TMT1A: variants seen among roughly 807,000 people sequenced by gnomAD.
TMT1A encodes the protein thiol S-methyltransferase TMT1A.
At chr12:50,929,930 T>C in the TMT1A span, 1 of 1,612,762 alleles carries the variant, frequency 6.2e-7, no homozygotes, top group Non-Finnish European at 8.5e-7. Context: ...GCTTTCTATT[T>C]CATGGAGCAT....
At chr12:50,928,948 A>T in the TMT1A span, among the ~76,000 whole-genome samples, 11 of 151,692 alleles carry the variant, frequency 7.3e-5, no homozygotes, top group Non-Finnish European at 1.0e-4. Context: ...GATTTTTTTT[A>T]AAATCAGGGC....
chr12:50,927,286 C>A, the TMT1A span, among the ~76,000 whole-genome samples: 5 of 152,174 alleles, frequency 3.3e-5, no homozygotes, highest in Admixed American at 6.5e-5. Context: ...TTTGGCCTCT[C>A]AAAGTGTTGG....
the TMT1A span, among the ~76,000 whole-genome samples, chr12:50,926,788 T>C: frequency 6.6e-6 from 1 of 152,228 alleles, no homozygotes; most frequent in Non-Finnish European, 1.5e-5. Flanking sequence ...CAAGTAACTA[T>C]TAACAGTGGT....
chr12:50,925,207 G>A, the TMT1A span: 11 of 1,614,072 alleles, frequency 6.8e-6, no homozygotes, highest in African/African-American at 1.3e-5. Flanking sequence ...CAAGAAGCGG[G>A]AGCTCTTCAG....
At chr12:50,925,225 C>A in the TMT1A span, 6 of 1,614,100 alleles carry the variant, frequency 3.7e-6, no homozygotes, top group African/African-American at 1.3e-5. Context: ...CAGTAACCTG[C>A]AGGAGTTTGC....
the TMT1A span, chr12:50,929,841 T>C: frequency 6.9e-7 from 1 of 1,442,624 alleles, no homozygotes; most frequent in Non-Finnish European, 9.4e-7. Flanking sequence ...CAGAGAACAA[T>C]TTTCAAAAAA....
the TMT1A span, chr12:50,925,132 T>C: frequency 8.7e-6 from 14 of 1,614,040 alleles, no homozygotes; most frequent in South Asian, 1.2e-4. Context: ...GAGCTGGATA[T>C]GCAAAAAATG....
At chr12:50,928,598 G>A in the TMT1A span, among the ~76,000 whole-genome samples, 1 of 152,158 alleles carries the variant, frequency 6.6e-6, no homozygotes, top group African/African-American at 2.4e-5. Flanking sequence ...AACATCTCAT[G>A]TAACCATTTG....
At chr12:50,929,775 G>C in the TMT1A span, 39 of 705,284 alleles carry the variant, frequency 5.5e-5, 2 homozygotes, top group South Asian at 6.7e-4. Context: ...GCTTAGTGTG[G>C]AGTGACCCTC....
At chr12:50,928,260 C>T in the TMT1A span, among the ~76,000 whole-genome samples, 1 of 152,350 alleles carries the variant, frequency 6.6e-6, no homozygotes, top group East Asian at 1.9e-4. Context: ...GGGTTCCTTT[C>T]TTGGTGACAC....
At chr12:50,928,495 G>C in the TMT1A span, among the ~76,000 whole-genome samples, 5 of 152,188 alleles carry the variant, frequency 3.3e-5, no homozygotes, top group African/African-American at 1.2e-4. Flanking sequence ...ATTCCTGGTG[G>C]CTCCACCCCA....
the TMT1A span, chr12:50,930,275 T>G: frequency 3.0e-5 from 5 of 168,202 alleles, no homozygotes; most frequent in East Asian, 5.0e-4. Context: ...TTGTTGTTGG[T>G]TTTTTTTTTT....
the TMT1A span, chr12:50,925,405 G>A: frequency 3.7e-6 from 6 of 1,614,246 alleles, no homozygotes; most frequent in Non-Finnish European, 5.1e-6. Context: ...TGAGCGCTTT[G>A]TGGTAGCTGC....
the TMT1A span, chr12:50,925,159 G>T: frequency 6.2e-7 from 1 of 1,614,126 alleles, no homozygotes; most frequent in Non-Finnish European, 8.5e-7. Flanking sequence ...CTACTTCTTG[G>T]TGAGGTTCAC....
chr12:50,930,430 C>A, the TMT1A span: 1 of 235,446 alleles, frequency 4.2e-6, no homozygotes, highest in Non-Finnish European at 8.2e-6. Context: ...CAGGTGCCCA[C>A]CACCATGCCC....
chr12:50,930,236 C>A, the TMT1A span: 1 of 1,124,228 alleles, frequency 8.9e-7, no homozygotes. Flanking sequence ...AGAAGAGAAA[C>A]CTTTTTTTTG....
chr12:50,925,028 C>T, the TMT1A span: 1 of 1,608,364 alleles, frequency 6.2e-7, no homozygotes, highest in Middle Eastern at 1.7e-4. Flanking sequence ...TGTTTTTTTC[C>T]CTTCTGAGCA....
At chr12:50,929,390 G>A in the TMT1A span, among the ~76,000 whole-genome samples, 1 of 152,322 alleles carries the variant, frequency 6.6e-6, no homozygotes, top group East Asian at 1.9e-4. Flanking sequence ...GATAACTAGA[G>A]GAGGCCAAGA....
chr12:50,928,123 C>CCAAATG, the TMT1A span, among the ~76,000 whole-genome samples: 2 of 152,182 alleles, frequency 1.3e-5, no homozygotes, highest in Non-Finnish European at 2.9e-5. Flanking sequence ...CCGCGCCCAG[C>CCAAATG]CAAATGCAAA....
Sources: allele counts gnomAD v4.1 joint callset (sites outside exome capture counted in the v4.1 genomes callset), GRCh38; gene constraint gnomAD v4.1.1; transcripts MANE v1.5; gene names NCBI Gene and HGNC (gene_info 2026-07-23, HGNC 2026-07-21).